Variants in MGAT4C observed in about 807,000 individuals in gnomAD.
MGAT4C encodes alpha-1,3-mannosyl-glycoprotein 4-beta-N-acetylglucosaminyltransferase C.
MGAT4C carries 19 observed loss-of-function variants against 40.1 expected under a neutral mutation model. That is an observed-to-expected ratio of 0.47 (90% CI 0.33 to 0.70). The LOEUF is 0.70. Among genes scored for constraint, MGAT4C ranks in the 30% least tolerant of loss-of-function variants. The pLI is 0.02. For missense variants in MGAT4C, 491 were observed against 563.2 expected, an observed-to-expected ratio of 0.87 and a Z score of 1.30; for synonymous variants, 181 against 187.1, an observed-to-expected ratio of 0.97 and a Z score of 0.27.
chr12:86,411,061 G>T (rs1398086344), intron 3 of MGAT4C, among the ~76,000 whole-genome samples: 1 of 152,108 alleles, frequency 6.6e-6, no homozygotes, highest in Non-Finnish European at 1.5e-5. Flanking sequence ...GGAACTGTTA[G>T]CTAATTAAAC....
At chr12:86,273,618 C>T (rs1238388110) in intron 4 of MGAT4C, among the ~76,000 whole-genome samples, 1 of 152,152 alleles carries the variant, frequency 6.6e-6, no homozygotes, top group African/African-American at 2.4e-5. Context: ...CCTGGAGTCA[C>T]AATGTGGAAA....
intron 2 of MGAT4C, among the ~76,000 whole-genome samples, chr12:86,575,865 G>T (rs2136427359): frequency 6.6e-6 from 1 of 151,634 alleles, no homozygotes; most frequent in South Asian, 2.1e-4. Flanking sequence ...CTTGTCATTT[G>T]TTATTGACTG....
chr12:86,678,154 C>T (rs1482139641), intron 2 of MGAT4C, among the ~76,000 whole-genome samples: 1 of 152,114 alleles, frequency 6.6e-6, no homozygotes, highest in Non-Finnish European at 1.5e-5. Flanking sequence ...AGCTGAAACC[C>T]TAATTTTCAC....
chr12:86,367,619 G>GA (rs2136208369), intron 3 of MGAT4C, among the ~76,000 whole-genome samples: 1 of 152,196 alleles, frequency 6.6e-6, no homozygotes, highest in East Asian at 1.9e-4. Context: ...CTAACACGGT[G>GA]AAACCTCGCC....
At chr12:86,435,607 T>G (rs1348768990) in intron 2 of MGAT4C, among the ~76,000 whole-genome samples, 3 of 151,894 alleles carry the variant, frequency 2.0e-5, no homozygotes, top group Non-Finnish European at 4.4e-5. Context: ...TTAACAATAG[T>G]CAGGCCAGTA....
chr12:86,276,578 A>G (rs1953086514), intron 4 of MGAT4C, among the ~76,000 whole-genome samples: 1 of 152,050 alleles, frequency 6.6e-6, no homozygotes, highest in Admixed American at 6.6e-5. Context: ...CCACTTCAAC[A>G]CCTGCACTGC....
intron 3 of MGAT4C, among the ~76,000 whole-genome samples, chr12:86,402,344 G>GA (rs1407445377): frequency 7.2e-5 from 11 of 152,052 alleles, no homozygotes; most frequent in Admixed American, 3.9e-4. Flanking sequence ...ATAATTACTT[G>GA]AACCCAGGAG....
intron 2 of MGAT4C, among the ~76,000 whole-genome samples, chr12:86,575,535 T>C (rs1401481040): frequency 2.0e-5 from 3 of 151,858 alleles, no homozygotes; most frequent in Admixed American, 1.3e-4. Flanking sequence ...TTGCAAATGA[T>C]TGGATCTCAT....
chr12:86,556,374 C>T (rs1959611507), intron 2 of MGAT4C, among the ~76,000 whole-genome samples: 1 of 152,174 alleles, frequency 6.6e-6, no homozygotes, highest in South Asian at 2.1e-4. Context: ...CTATAACTTA[C>T]TTCACATATA....
intron 4 of MGAT4C, among the ~76,000 whole-genome samples, chr12:86,314,814 G>A (rs1458320539): frequency 1.3e-5 from 2 of 152,144 alleles, no homozygotes; most frequent in African/African-American, 4.8e-5. Context: ...TCTACATGGA[G>A]CACTACAAAA....
chr12:86,130,269 G>A (rs1880980101), intron 1 of MGAT4C, among the ~76,000 whole-genome samples: 1 of 106,966 alleles, frequency 9.3e-6, no homozygotes, highest in African/African-American at 3.2e-5. Flanking sequence ...AAACATTAAA[G>A]ATTGTTATCA....
chr12:86,332,453 C>T (rs892579402), intron 4 of MGAT4C, among the ~76,000 whole-genome samples: 2 of 151,758 alleles, frequency 1.3e-5, no homozygotes, highest in African/African-American at 4.8e-5. Flanking sequence ...CCAAATCTCT[C>T]AAGTCACTCA....
At chr12:86,019,383 T>G (rs1399360663) in intron 2 of MGAT4C, among the ~76,000 whole-genome samples, 1 of 152,182 alleles carries the variant, frequency 6.6e-6, no homozygotes. Context: ...CTATGTATGA[T>G]AAATGGCAAT....
At chr12:86,365,648 C>T (rs578044979) in intron 3 of MGAT4C, among the ~76,000 whole-genome samples, 3 of 151,136 alleles carry the variant, frequency 2.0e-5, no homozygotes, top group South Asian at 2.1e-4. Context: ...TCCCTCCGTT[C>T]GGGGTTCCTG....
At chr12:86,123,395 ATAT>A (rs1879756721) in intron 1 of MGAT4C, among the ~76,000 whole-genome samples, 1 of 152,118 alleles carries the variant, frequency 6.6e-6, no homozygotes, top group African/African-American at 2.4e-5. Flanking sequence ...ATGGAAAAAA[ATAT>A]TATCCTTAGT....
At chr12:86,471,553 G>A (rs1957758126) in intron 2 of MGAT4C, among the ~76,000 whole-genome samples, 2 of 151,978 alleles carry the variant, frequency 1.3e-5, no homozygotes, top group Admixed American at 6.6e-5. Context: ...AAAATGAGAA[G>A]TAGAGGCACA....
chr12:86,549,963 C>A (rs907156262), intron 2 of MGAT4C, among the ~76,000 whole-genome samples: 14 of 152,074 alleles, frequency 9.2e-5, no homozygotes, highest in African/African-American at 3.4e-4. Flanking sequence ...GAAATGTAAT[C>A]CCCACATGTC....
chr12:86,528,815 T>C (rs888219568), intron 2 of MGAT4C, among the ~76,000 whole-genome samples: 7 of 152,098 alleles, frequency 4.6e-5, no homozygotes, highest in Non-Finnish European at 1.0e-4. Context: ...TCCTTTCTTC[T>C]GACTGATAAT....
At chr12:86,598,627 T>C (rs1233940306) in intron 2 of MGAT4C, among the ~76,000 whole-genome samples, 1 of 152,174 alleles carries the variant, frequency 6.6e-6, no homozygotes, top group Non-Finnish European at 1.5e-5. Context: ...TTTACACATC[T>C]GTTTCAACAA....
Sources: allele counts gnomAD v4.1 joint callset (sites outside exome capture counted in the v4.1 genomes callset), GRCh38; gene constraint gnomAD v4.1.1; transcripts MANE v1.5; gene names NCBI Gene and HGNC (gene_info 2026-07-23, HGNC 2026-07-21).